Variants in ROBO1 observed in about 807,000 individuals in gnomAD.
The protein encoded by ROBO1 is roundabout guidance receptor 1.
ROBO1 carries 149 observed loss-of-function variants against 195.9 expected under a neutral mutation model. The ratio of observed to expected loss-of-function variants is 0.76; its 90% CI spans 0.67 to 0.87. The LOEUF (loss-of-function observed/expected upper bound fraction) is 0.87. Among genes scored for constraint, ROBO1 ranks in the 40% least tolerant of loss-of-function variants. The probability of loss-of-function intolerance (pLI) is 0.00; values close to 1 mark genes in which losing one functional copy is unlikely to be tolerated. For missense variants in ROBO1, 1,933 were observed against 2,068.3 expected, an observed-to-expected ratio of 0.93 and a Z score of 1.27; for synonymous variants, 816 against 733.2, an observed-to-expected ratio of 1.11 and a Z score of -1.82.
chr3:78,800,595 C>T (rs187226741), intron 4 of ROBO1, among the ~76,000 whole-genome samples: 16 of 152,234 alleles, frequency 1.1e-4, no homozygotes, highest in Admixed American at 5.2e-4. Flanking sequence ...CTCACCGTGT[C>T]GCCCAGGATG....
chr3:79,114,742 A>G (rs1250158385), intron 3 of ROBO1, among the ~76,000 whole-genome samples: 1 of 152,176 alleles, frequency 6.6e-6, no homozygotes, highest in African/African-American at 2.4e-5. Flanking sequence ...CACATTTTTC[A>G]TTATATACAT....
chr3:78,817,347 C>A (rs963361284), intron 4 of ROBO1, among the ~76,000 whole-genome samples: 3 of 151,824 alleles, frequency 2.0e-5, no homozygotes, highest in African/African-American at 7.3e-5. Flanking sequence ...AAGGTATATA[C>A]TTTTTTTTAA....
chr3:78,603,343 T>TAACA (rs1417017612), intron 29 of ROBO1, among the ~76,000 whole-genome samples: 1 of 152,164 alleles, frequency 6.6e-6, no homozygotes, highest in Non-Finnish European at 1.5e-5. Context: ...AGATCTTTCC[T>TAACA]AACATTCTCT....
rs929815053 is a variant in ROBO1, at chr3:79,618,138, T to C, written c.-50-28177A>G. Among the ~76,000 whole-genome samples, 6 of 151,746 alleles carry C rather than the reference T, an allele frequency of 4.0e-5. No individual in the cohort carries two copies. In the East Asian group the frequency reaches 1.2e-3, roughly 29 times the overall value. On this transcript the variant is annotated intron_variant, in intron 1 of 30. Coordinates refer to ENST00000464233, the MANE Select transcript of ROBO1 (RefSeq NM_002941.4). Reference sequence around the variant, plus strand: ...GGAAATAGAGGATTATGTAAAAAAATACGAACCTATGAGATATATGCATTT... The same window carrying C: ...GGAAATAGAGGATTATGTAAAAAAACACGAACCTATGAGATATATGCATTT...
At position 78,600,151 on chromosome 3, in the gene ROBO1, C is replaced by T; in HGVS notation, c.4903G>A (p.Gly1635Arg). 6.2e-7 allele frequency: 1 copy of T among 1,613,296 alleles called. No homozygotes were observed. Among genetic ancestry groups the T allele is most frequent in the South Asian group, 1.1e-5 (1 of 91,050 alleles). Residue 1635 changes from glycine to arginine, a missense_variant, in exon 30 of 31, where the codon GGA (glycine) becomes AGA (arginine). By Grantham distance (125) the Gly-to-Arg change is moderately radical. Around this residue, in one of 3 missense-constraint regions of ROBO1, gnomAD observed 1,737 missense variants for 1,882.5 expected, o/e 0.92. Coordinates refer to ENST00000464233, the MANE Select transcript of ROBO1 (RefSeq NM_002941.4). ...RNIAEMQVLG[G>R]YERGEDNNEE... ...TTATTATCTTCTCCTCTTTCATATC[C>T]TCCAAGTACCTGCATTTCTGCAATA... is the stretch of plus-strand genomic sequence containing the variant.
intron 1 of ROBO1, among the ~76,000 whole-genome samples, chr3:79,762,247 CG>C (rs917988801): frequency 6.6e-6 from 1 of 151,728 alleles, no homozygotes; most frequent in African/African-American, 2.4e-5. Context: ...TATGTTTAGT[CG>C]GGGGGGAAGG....
intron 3 of ROBO1, among the ~76,000 whole-genome samples, chr3:78,950,322 T>C (rs985726732): frequency 1.3e-5 from 2 of 152,032 alleles, no homozygotes; most frequent in African/African-American, 4.8e-5. Flanking sequence ...CATGGAATAC[T>C]ATGCAACCAT....
At chr3:78,776,102 T>C (rs1431369346) in intron 4 of ROBO1, among the ~76,000 whole-genome samples, 1 of 152,184 alleles carries the variant, frequency 6.6e-6, no homozygotes, top group Non-Finnish European at 1.5e-5. Flanking sequence ...CCCACCCTTC[T>C]ATGGGTTCCA....
intron 4 of ROBO1, among the ~76,000 whole-genome samples, chr3:78,815,277 G>T (rs1179047158): frequency 6.6e-6 from 1 of 152,164 alleles, no homozygotes; most frequent in Non-Finnish European, 1.5e-5. Flanking sequence ...CATGTTGAAA[G>T]CTGAGCTAGA....
intron 2 of ROBO1, among the ~76,000 whole-genome samples, chr3:79,348,065 G>T (rs555727332): frequency 1.1e-3 from 162 of 152,104 alleles, no homozygotes; most frequent in African/African-American, 3.8e-3. Flanking sequence ...ACAAAAATTA[G>T]CCGGGTGTGG....
intron 2 of ROBO1, among the ~76,000 whole-genome samples, chr3:79,246,829 T>C (rs1367637559): frequency 1.3e-5 from 2 of 152,016 alleles, no homozygotes; most frequent in Non-Finnish European, 2.9e-5. Flanking sequence ...AACCAGTGAA[T>C]CCATAGAAAG....
chr3:79,395,428 T>C (rs2037122451), intron 2 of ROBO1, among the ~76,000 whole-genome samples: 1 of 151,880 alleles, frequency 6.6e-6, no homozygotes, highest in Non-Finnish European at 1.5e-5. Context: ...GCATCCTAGG[T>C]CTTCATATTT....
At chr3:79,489,421 C>T (rs1011187484) in intron 2 of ROBO1, among the ~76,000 whole-genome samples, 8 of 151,798 alleles carry the variant, frequency 5.3e-5, no homozygotes, top group Non-Finnish European at 1.0e-4. Context: ...TTTGGGAGGC[C>T]GAGGTGGGCG....
chr3:79,445,102 T>A lies in ROBO1; in HGVS notation c.88+144722A>T, dbSNP rs548130286. On this transcript the variant is annotated intron_variant, in intron 2 of 30. Transcript: ENST00000464233. Reference sequence around the variant, plus strand: ...TTAGTGTCTATTTTATGACAATCAGTCCAGTTGTATCCTCTTTGTCTCATT... The same window carrying A: ...TTAGTGTCTATTTTATGACAATCAGACCAGTTGTATCCTCTTTGTCTCATT... 4.6e-5 allele frequency among the ~76,000 whole-genome samples: 7 copies of A among 152,158 alleles called. No individual in the cohort carries two copies. The South Asian group carries it at 1.2e-3, about 27-fold the overall frequency.
At chr3:79,214,789 TAC>T (rs1008873876) in intron 2 of ROBO1, among the ~76,000 whole-genome samples, 1 of 147,468 alleles carries the variant, frequency 6.8e-6, no homozygotes, top group African/African-American at 2.5e-5. Context: ...TATATATATA[TAC>T]ACCATACCAC....
At position 78,636,102 on chromosome 3, in the gene ROBO1, C is replaced by T; in HGVS notation, c.3044G>A (p.Cys1015Tyr). Residue 1015 changes from cysteine (C) to tyrosine (Y), a missense_variant, in exon 23 of 31, where the codon TGT (cysteine) becomes TAT (tyrosine). Transcript: ENST00000464233. ...CAGTTGGTTGTTATAATTTGCTATA[C>T]AATCAGCTATGTGCAATGGAGAGGA... The part of the protein sequence containing the change: ...NLTTYSRPAD[C>Y]IANYNNQLDN... The T allele has an allele frequency of 1.2e-6, 2 of 1,608,844 alleles. No individual in the cohort carries two copies. The highest frequency in any genetic ancestry group is 2.2e-5 in the East Asian group (1 of 44,686).
chr3:79,198,529 T>G (rs2081690031), intron 2 of ROBO1, among the ~76,000 whole-genome samples: 1 of 152,102 alleles, frequency 6.6e-6, no homozygotes, highest in South Asian at 2.1e-4. Flanking sequence ...GGGGTCTTTT[T>G]TGGTTCCACA....
At chr3:79,416,330 G>T (rs919765737) in intron 2 of ROBO1, among the ~76,000 whole-genome samples, 7 of 151,810 alleles carry the variant, frequency 4.6e-5, no homozygotes, top group East Asian at 1.9e-4. Context: ...ATTGGGCAGG[G>T]TGCTATGTCG....
At chr3:79,691,311 C>T (rs760173033) in intron 1 of ROBO1, among the ~76,000 whole-genome samples, 48 of 151,702 alleles carry the variant, frequency 3.2e-4, no homozygotes, top group Admixed American at 5.3e-4. Context: ...TATTCCAGGT[C>T]CCCAAAGAAG....
Sources: allele counts gnomAD v4.1 joint callset (sites outside exome capture counted in the v4.1 genomes callset), GRCh38; gene constraint gnomAD v4.1.1; regional missense constraint gnomAD v4.1.1; transcripts MANE v1.5; gene names NCBI Gene and HGNC (gene_info 2026-07-23, HGNC 2026-07-21).